CSMD3: variants seen among roughly 807,000 people sequenced by gnomAD.
CSMD3 encodes CUB and Sushi multiple domains 3, also known as CUB and sushi domain-containing protein 3.
A neutral mutation model predicts 435.2 loss-of-function variants in CSMD3; 177 were observed. The observed-to-expected ratio is 0.41, with a 90% confidence interval of 0.36 to 0.46. The LOEUF is 0.46. Among genes scored for constraint, CSMD3 ranks in the 20% least tolerant of loss-of-function variants. CSMD3 has a pLI of 0.34. For missense variants in CSMD3, 4,265 were observed against 4,504.6 expected (o/e 0.95, Z 1.52); for synonymous variants, 1,656 against 1,520.5 (o/e 1.09, Z -2.07).
At chr8:112,261,555 A>ATG (rs947782093) in intron 61 of CSMD3, among the ~76,000 whole-genome samples, 2 of 151,614 alleles carry the variant, frequency 1.3e-5, no homozygotes, top group Admixed American at 6.6e-5. Context: ...GCATATATGT[A>ATG]TGTGTGTGTG....
At chr8:112,614,460 T>A (rs1455499876) in intron 22 of CSMD3, among the ~76,000 whole-genome samples, 1 of 152,042 alleles carries the variant, frequency 6.6e-6, no homozygotes, top group East Asian at 1.9e-4. Context: ...CCCGGTATAC[T>A]GTTATCTCTC....
intron 6 of CSMD3, among the ~76,000 whole-genome samples, chr8:113,000,293 G>A (rs1191024648): frequency 6.6e-6 from 1 of 152,018 alleles, no homozygotes; most frequent in Admixed American, 6.6e-5. Context: ...AGAAAAGAAT[G>A]AGAAGAGGAT....
At chr8:112,759,776 T>C (rs2077792720) in intron 13 of CSMD3, among the ~76,000 whole-genome samples, 1 of 152,126 alleles carries the variant, frequency 6.6e-6, no homozygotes, top group Non-Finnish European at 1.5e-5. Flanking sequence ...CTATTCACTG[T>C]AATTTTCTTT....
chr8:113,353,216 T>C (rs1176507426), intron 1 of CSMD3, among the ~76,000 whole-genome samples: 3 of 151,608 alleles, frequency 2.0e-5, no homozygotes, highest in Admixed American at 2.0e-4. Context: ...ATAGGAGGAG[T>C]AGAAAAAGCG....
intron 63 of CSMD3, among the ~76,000 whole-genome samples, chr8:112,251,133 A>T (rs1815219504): frequency 6.6e-6 from 1 of 151,828 alleles, no homozygotes; most frequent in African/African-American, 2.4e-5. Flanking sequence ...ATGTTTGTTT[A>T]ACTGGAGTAT....
chr8:112,701,211 G>A (rs949145878), intron 13 of CSMD3, among the ~76,000 whole-genome samples: 1 of 152,096 alleles, frequency 6.6e-6, no homozygotes, highest in African/African-American at 2.4e-5. Context: ...ACAAGGTAGG[G>A]GATTAGAGTA....
chr8:112,574,378 A>G (rs1013319635), intron 23 of CSMD3, among the ~76,000 whole-genome samples: 3 of 151,982 alleles, frequency 2.0e-5, no homozygotes, highest in African/African-American at 4.8e-5. Flanking sequence ...CCGTTCCCGT[A>G]TTAATGAACT....
chr8:113,318,541 T>C (rs778498834), intron 1 of CSMD3, among the ~76,000 whole-genome samples: 2 of 152,100 alleles, frequency 1.3e-5, no homozygotes, highest in Non-Finnish European at 2.9e-5. Context: ...TCATCCTACA[T>C]ACCTGCTATA....
chr8:113,420,675 G>T (rs996696074), intron 1 of CSMD3, among the ~76,000 whole-genome samples: 2 of 151,952 alleles, frequency 1.3e-5, no homozygotes, highest in Admixed American at 6.6e-5. Context: ...AGGCCAGGCG[G>T]GGTGGCTCAT....
chr8:112,899,392 G>T (rs1264810634), intron 10 of CSMD3, among the ~76,000 whole-genome samples: 14 of 149,486 alleles, frequency 9.4e-5, no homozygotes, highest in Admixed American at 6.7e-4. Flanking sequence ...AATCAGATTG[G>T]CCTAAAATAT....
intron 1 of CSMD3, among the ~76,000 whole-genome samples, chr8:113,385,038 G>A (rs2094433487): frequency 6.6e-6 from 1 of 152,126 alleles, no homozygotes; most frequent in African/African-American, 2.4e-5. Context: ...ATCAGCCTGT[G>A]AAAAACTGCT....
intron 27 of CSMD3, among the ~76,000 whole-genome samples, chr8:112,548,681 T>A (rs1827406876): frequency 6.6e-6 from 1 of 152,134 alleles, no homozygotes; most frequent in Admixed American, 6.5e-5. Flanking sequence ...CAAGACTTCA[T>A]TCATGAAAAG....
At chr8:113,393,604 C>T (rs970055050) in intron 1 of CSMD3, among the ~76,000 whole-genome samples, 1 of 152,076 alleles carries the variant, frequency 6.6e-6, no homozygotes, top group African/African-American at 2.4e-5. Context: ...CGTTAAGTTA[C>T]TGGAGAAGGA....
chr8:112,525,770 A>ATTTT (rs1206866096), intron 27 of CSMD3, among the ~76,000 whole-genome samples: 4 of 140,528 alleles, frequency 2.8e-5, no homozygotes, highest in Non-Finnish European at 6.1e-5. Context: ...ATATATATAT[A>ATTTT]TTTATATGTG....
chr8:112,397,356 G>C (rs1830939376), intron 35 of CSMD3, among the ~76,000 whole-genome samples: 1 of 152,128 alleles, frequency 6.6e-6, no homozygotes, highest in South Asian at 2.1e-4. Context: ...TGTTCCACAA[G>C]GAAGAATATT....
intron 5 of CSMD3, among the ~76,000 whole-genome samples, chr8:113,030,800 A>G (rs1405085231): frequency 6.6e-6 from 1 of 151,602 alleles, no homozygotes; most frequent in African/African-American, 2.4e-5. Context: ...TAGAGTATAT[A>G]AAGAATTCCC....
intron 3 of CSMD3, among the ~76,000 whole-genome samples, chr8:113,187,070 T>G (rs1307947198): frequency 1.3e-5 from 2 of 151,886 alleles, no homozygotes; most frequent in Non-Finnish European, 2.9e-5. Flanking sequence ...TTTATTCTCA[T>G]GAATATGAGA....
chr8:112,741,818 TAG>T (rs1563915669), intron 13 of CSMD3, among the ~76,000 whole-genome samples: 3 of 151,704 alleles, frequency 2.0e-5, no homozygotes, highest in Middle Eastern at 3.2e-3. Context: ...GATAGATAGA[TAG>T]ATAGATAACA....
chr8:113,024,228 T>C (rs868758390), intron 5 of CSMD3, among the ~76,000 whole-genome samples: 24 of 152,132 alleles, frequency 1.6e-4, no homozygotes, highest in Admixed American at 1.5e-3. Flanking sequence ...GGTTTACCCA[T>C]GTTGTCCCAA....
Sources: gnomAD v4.1 joint callset for allele counts (sites outside exome capture counted in the v4.1 genomes callset) on GRCh38, gnomAD v4.1.1 for gene constraint, MANE v1.5 for transcripts, NCBI Gene and HGNC (gene_info 2026-07-23, HGNC 2026-07-21) for gene names.